The following VAV3 variants were observed in gnomAD, a reference collection of about 807,000 sequenced individuals.
VAV3 encodes the protein vav guanine nucleotide exchange factor 3, also known as guanine nucleotide exchange factor VAV3.
A neutral mutation model predicts 131.2 loss-of-function variants in VAV3; 94 were observed. The ratio of observed to expected loss-of-function variants is 0.72; its 90% CI spans 0.61 to 0.85. The LOEUF is 0.85. Ranked by LOEUF, VAV3 falls within the 40% of genes least tolerant of loss-of-function variation. The probability of loss-of-function intolerance (pLI) is 0.00; values close to 1 mark genes in which losing one functional copy is unlikely to be tolerated. For missense variants in VAV3, 939 were observed against 1,002.7 expected, an observed-to-expected ratio of 0.94 and a Z score of 0.86; for synonymous variants, 349 against 342.0, an observed-to-expected ratio of 1.02 and a Z score of -0.22.
intron 1 of VAV3, among the ~76,000 whole-genome samples, chr1:107,905,446 C>T (rs1421048522): frequency 6.6e-6 from 1 of 152,136 alleles, no homozygotes; most frequent in Non-Finnish European, 1.5e-5. Context: ...AGCCATAATG[C>T]TTCCCCAGTG....
At chr1:107,851,188 A>G (rs1046206110) in intron 2 of VAV3, among the ~76,000 whole-genome samples, 51 of 151,756 alleles carry the variant, frequency 3.4e-4, no homozygotes, top group Non-Finnish European at 5.5e-4. Context: ...AAAAAAAAAA[A>G]AAGAAGCCGG....
intron 15 of VAV3, among the ~76,000 whole-genome samples, chr1:107,721,068 G>T (rs1398614285): frequency 6.6e-6 from 1 of 152,208 alleles, no homozygotes; most frequent in Admixed American, 6.5e-5. Flanking sequence ...TGGGTGAACA[G>T]ATTTTAAGTT....
In VAV3 at chr1:107,817,574, T is replaced by G. The variant is rs544555199; in HGVS notation, c.322-38082A>C. On this transcript the variant is annotated intron_variant, in intron 2 of 26. Coordinates refer to ENST00000370056, the MANE Select transcript of VAV3 (RefSeq NM_006113.5). ...CAGAATCAGAGCTAAGCTTTGAAAT[T>G]ACTCAAATGGAAGGGAGACAAAGGG... Among the ~76,000 whole-genome samples, 250 of 152,232 alleles carry G rather than the reference T, an allele frequency of 1.6e-3. 1 individual carries two copies. The highest frequency in any genetic ancestry group is 3.1e-3 in the South Asian group (15 of 4,816).
intron 12 of VAV3, among the ~76,000 whole-genome samples, chr1:107,751,642 G>T (rs1663732629): frequency 6.8e-6 from 1 of 146,070 alleles, no homozygotes; most frequent in African/African-American, 2.5e-5. Context: ...AATTACAAAC[G>T]CACAATTGCC....
chr1:107,610,386 TTAA>T (rs1652639208), intron 21 of VAV3, among the ~76,000 whole-genome samples: 1 of 151,956 alleles, frequency 6.6e-6, no homozygotes, highest in East Asian at 1.9e-4. Flanking sequence ...TTTAATATTT[TTAA>T]TATTTTATTA....
chr1:107,650,223 T>G (rs891477168), intron 19 of VAV3, among the ~76,000 whole-genome samples: 1 of 152,110 alleles, frequency 6.6e-6, no homozygotes, highest in Non-Finnish European at 1.5e-5. Flanking sequence ...CTTGAGGGTC[T>G]GGCCCATTTT....
intron 19 of VAV3, among the ~76,000 whole-genome samples, chr1:107,668,110 C>T (rs1657536734): frequency 6.6e-6 from 1 of 152,156 alleles, no homozygotes; most frequent in Non-Finnish European, 1.5e-5. Context: ...ATTAAGAGTG[C>T]TTATCCTTCT....
intron 2 of VAV3, among the ~76,000 whole-genome samples, chr1:107,824,381 A>G (rs1035373792): frequency 3.9e-5 from 6 of 152,182 alleles, no homozygotes; most frequent in African/African-American, 1.4e-4. Context: ...ACAGTGAAGG[A>G]AACTATTAAC....
intron 6 of VAV3, among the ~76,000 whole-genome samples, 192 bp from the exon 7 acceptor site, chr1:107,768,701 A>G (rs1283505484): frequency 6.6e-6 from 1 of 152,224 alleles, no homozygotes. Context: ...AAACATAAAT[A>G]CGAGCTAATA....
chr1:107,931,937 T>C (rs990609511), intron 1 of VAV3, among the ~76,000 whole-genome samples: 6 of 152,218 alleles, frequency 3.9e-5, no homozygotes, highest in African/African-American at 1.4e-4. Context: ...AACAGTTCTA[T>C]ATGAAAAAAT....
intron 19 of VAV3, among the ~76,000 whole-genome samples, chr1:107,655,806 T>C (rs1656507553): frequency 6.6e-6 from 1 of 152,084 alleles, no homozygotes; most frequent in Admixed American, 6.5e-5. Context: ...GAGTAGACAT[T>C]TCTCAAAAAA....
chr1:107,585,804 CCTA>C (rs1405393749), intron 25 of VAV3, among the ~76,000 whole-genome samples: 1 of 152,022 alleles, frequency 6.6e-6, no homozygotes, highest in Non-Finnish European at 1.5e-5. Flanking sequence ...CTCCCATTGT[CCTA>C]CTGCTGAGGT....
chr1:107,915,079 G>A (rs1312617476), intron 1 of VAV3, among the ~76,000 whole-genome samples: 1 of 152,218 alleles, frequency 6.6e-6, no homozygotes, highest in East Asian at 1.9e-4. Context: ...CACTTGAATA[G>A]TGAGGGGTTA....
chr1:107,673,358 G>T (rs1657961242), intron 19 of VAV3, among the ~76,000 whole-genome samples: 1 of 152,074 alleles, frequency 6.6e-6, no homozygotes, highest in Non-Finnish European at 1.5e-5. Flanking sequence ...TTCTCTTTGT[G>T]AATGGCTCTC....
At chr1:107,793,911 A>C (rs17020055) in intron 2 of VAV3, among the ~76,000 whole-genome samples, 16,661 of 152,228 alleles carry the variant, frequency 0.11, 1,103 homozygotes, top group East Asian at 0.27. Flanking sequence ...GCATTATGAA[A>C]ACAGGGATCC....
intron 12 of VAV3, among the ~76,000 whole-genome samples, chr1:107,753,525 T>TAC (rs1557821960): frequency 3.1e-4 from 16 of 51,572 alleles, no homozygotes; most frequent in African/African-American, 9.8e-4. Context: ...TATATATATA[T>TAC]ACGTATATAT....
At chr1:107,949,205 T>C (rs1674416958) in intron 1 of VAV3, among the ~76,000 whole-genome samples, 2 of 152,254 alleles carry the variant, frequency 1.3e-5, no homozygotes, top group South Asian at 4.1e-4. Context: ...TGCATTTATA[T>C]GTAGTTTAAG....
chr1:107,961,477 A>C (rs1675081815), intron 1 of VAV3, among the ~76,000 whole-genome samples: 1 of 152,192 alleles, frequency 6.6e-6, no homozygotes, highest in Non-Finnish European at 1.5e-5. Context: ...TTCAGATGAA[A>C]AATAAATCTC....
chr1:107,893,988 T>C (rs1179546134), intron 1 of VAV3, among the ~76,000 whole-genome samples: 1 of 152,130 alleles, frequency 6.6e-6, no homozygotes, highest in African/African-American at 2.4e-5. Context: ...ATCGGTTCTG[T>C]AAAGAAAGAC....
Sources: gnomAD v4.1 joint callset for allele counts (sites outside exome capture counted in the v4.1 genomes callset) on GRCh38, gnomAD v4.1.1 for gene constraint, MANE v1.5 for transcripts, NCBI Gene and HGNC (gene_info 2026-07-23, HGNC 2026-07-21) for gene names.